CMSS1: variants seen among roughly 807,000 people sequenced by gnomAD.
The protein encoded by CMSS1 is cms1 ribosomal small subunit homolog.
Under a neutral mutation model 43.5 loss-of-function variants are expected in CMSS1, and 33 were observed. The ratio of observed to expected loss-of-function variants is 0.76; its 90% confidence interval spans 0.57 to 1.01. The LOEUF (loss-of-function observed/expected upper bound fraction) is 1.01, where lower values mean the gene tolerates loss of function less well. Ranked by LOEUF, CMSS1 falls within the 50% of genes least tolerant of loss-of-function variation. CMSS1 has a pLI of 0.00. For missense variants in CMSS1, 313 were observed against 326.4 expected (o/e 0.96, Z 0.32); for synonymous variants, 115 against 117.2 (o/e 0.98, Z 0.12).
At chr3:99,957,133 G>T (rs1422246133) in intron 1 of CMSS1, among the ~76,000 whole-genome samples, 1 of 151,948 alleles carries the variant, frequency 6.6e-6, no homozygotes, top group African/African-American at 2.4e-5. Flanking sequence ...TTTTTTATTT[G>T]ATATACAGCA....
At chr3:99,835,502 G>A (rs1169772786) in intron 1 of CMSS1, among the ~76,000 whole-genome samples, 2 of 152,140 alleles carry the variant, frequency 1.3e-5, no homozygotes. Flanking sequence ...CACCTACTAT[G>A]AGCACTATTT....
At chr3:100,160,853 C>A (rs777947036) in intron 3 of CMSS1, among the ~76,000 whole-genome samples, 7 of 152,198 alleles carry the variant, frequency 4.6e-5, no homozygotes, top group African/African-American at 9.7e-5. Context: ...AAGAAATATA[C>A]CAACCTCCTT....
intron 1 of CMSS1, among the ~76,000 whole-genome samples, chr3:99,852,777 C>T (rs1316592520): frequency 6.6e-6 from 1 of 152,112 alleles, no homozygotes; most frequent in African/African-American, 2.4e-5. Context: ...AATTTAGGGT[C>T]ATCGTCTTGG....
chr3:100,090,271 C>G (rs2066081357), intron 1 of CMSS1, among the ~76,000 whole-genome samples: 1 of 152,112 alleles, frequency 6.6e-6, no homozygotes, highest in Admixed American at 6.5e-5. Context: ...TTTAACTGTC[C>G]CGATCTTCTG....
intron 1 of CMSS1, among the ~76,000 whole-genome samples, chr3:99,989,360 A>C (rs1370969137): frequency 1.3e-5 from 2 of 152,172 alleles, no homozygotes; most frequent in Non-Finnish European, 2.9e-5. Flanking sequence ...AGAGTGAGGA[A>C]ACAGGAAAAT....
At chr3:99,986,734 G>A (rs1709352792) in intron 1 of CMSS1, among the ~76,000 whole-genome samples, 1 of 152,130 alleles carries the variant, frequency 6.6e-6, no homozygotes. Context: ...CTAAGCGGGG[G>A]ATTCTTTTGC....
intron 1 of CMSS1, chr3:99,924,520 TTTTG>T (rs772799372): frequency 1.2e-5 from 14 of 1,124,114 alleles, no homozygotes; most frequent in African/African-American, 3.2e-5. Flanking sequence ...TTTTTTGGTT[TTTTG>T]TTTGTTTGTT....
chr3:99,929,501 G>A (rs766262490), intron 1 of CMSS1, among the ~76,000 whole-genome samples: 43 of 149,410 alleles, frequency 2.9e-4, no homozygotes, highest in Non-Finnish European at 4.9e-4. Context: ...TGGGTACCCT[G>A]CAAGTTCCCA....
chr3:99,976,982 A>G (rs956018763), intron 1 of CMSS1, among the ~76,000 whole-genome samples: 4 of 152,182 alleles, frequency 2.6e-5, no homozygotes, highest in Non-Finnish European at 4.4e-5. Context: ...CAGGAATTCT[A>G]TCCTCTTATT....
chr3:100,174,930 G>T (rs1439144114), intron 8 of CMSS1, among the ~76,000 whole-genome samples: 1 of 152,088 alleles, frequency 6.6e-6, no homozygotes, highest in Non-Finnish European at 1.5e-5. Flanking sequence ...TATTTCCTTT[G>T]AGTCTTTTTT....
chr3:100,127,663 GGGA>G (rs1481044592), intron 1 of CMSS1, among the ~76,000 whole-genome samples: 1 of 152,174 alleles, frequency 6.6e-6, no homozygotes, highest in Non-Finnish European at 1.5e-5. Context: ...AGAAACTTAT[GGGA>G]CCATCATCTC....
intron 1 of CMSS1, among the ~76,000 whole-genome samples, chr3:100,126,452 G>T (rs959788861): frequency 6.6e-6 from 1 of 152,130 alleles, no homozygotes; most frequent in African/African-American, 2.4e-5. Context: ...ATAGTGACCA[G>T]GTTTCCTTTT....
At chr3:99,961,984 T>C (rs983011238) in intron 1 of CMSS1, among the ~76,000 whole-genome samples, 22 of 152,122 alleles carry the variant, frequency 1.4e-4, no homozygotes, top group African/African-American at 5.3e-4. Context: ...AGGGCTATTA[T>C]AGGGGCCCCA....
chr3:99,838,849 C>T (rs1943005891), intron 1 of CMSS1, among the ~76,000 whole-genome samples: 1 of 151,348 alleles, frequency 6.6e-6, no homozygotes, highest in Non-Finnish European at 1.5e-5. Context: ...TGTTTTTTGC[C>T]CTCTCTTTTA....
At chr3:100,146,802 C>A (rs1278756581) in intron 1 of CMSS1, among the ~76,000 whole-genome samples, 171 bp from the exon 2 acceptor site, 1 of 152,164 alleles carries the variant, frequency 6.6e-6, no homozygotes, top group Non-Finnish European at 1.5e-5. Flanking sequence ...AATGAGAATG[C>A]CATCTTAGTG....
At chr3:100,001,948 G>T (rs1451235385) in intron 1 of CMSS1, among the ~76,000 whole-genome samples, 1 of 152,146 alleles carries the variant, frequency 6.6e-6, no homozygotes, top group Non-Finnish European at 1.5e-5. Flanking sequence ...GAGACATCTG[G>T]TTTTCATCTC....
At chr3:99,968,302 T>C (rs949402013) in intron 1 of CMSS1, among the ~76,000 whole-genome samples, 1 of 152,158 alleles carries the variant, frequency 6.6e-6, no homozygotes, top group African/African-American at 2.4e-5. Flanking sequence ...TTTGGTCTTA[T>C]TGTAGCCTAA....
At chr3:99,934,637 T>C (rs939498761) in intron 1 of CMSS1, among the ~76,000 whole-genome samples, 1 of 152,218 alleles carries the variant, frequency 6.6e-6, no homozygotes, top group African/African-American at 2.4e-5. Context: ...TTGCTAAACA[T>C]TGTTCATAAG....
At chr3:100,174,642 C>T (rs1215936365) in intron 8 of CMSS1, among the ~76,000 whole-genome samples, 1 of 152,138 alleles carries the variant, frequency 6.6e-6, no homozygotes, top group Admixed American at 6.6e-5. Flanking sequence ...AGAATAGTCC[C>T]AGCACCCTAA....
Sources: allele counts gnomAD v4.1 joint callset (sites outside exome capture counted in the v4.1 genomes callset), GRCh38; gene constraint gnomAD v4.1.1; transcripts MANE v1.5; gene names NCBI Gene and HGNC (gene_info 2026-07-23, HGNC 2026-07-21).